Variants in SDCCAG8 observed in about 807,000 individuals in gnomAD.
SDCCAG8 encodes the protein serologically defined colon cancer antigen 8.
A neutral mutation model predicts 101.8 loss-of-function variants in SDCCAG8; 74 were observed. The ratio of observed to expected loss-of-function variants is 0.73; its 90% CI spans 0.60 to 0.88. The LOEUF (loss-of-function observed/expected upper bound fraction) is 0.88, where lower values mean the gene tolerates loss of function less well. Among genes scored for constraint, SDCCAG8 ranks in the 40% least tolerant of loss-of-function variants. The probability of loss-of-function intolerance (pLI) is 0.00; values close to 1 mark genes in which losing one functional copy is unlikely to be tolerated. For synonymous variants in SDCCAG8, 281 were observed against 292.9 expected, an observed-to-expected ratio of 0.96 and a Z score of 0.41; for missense variants, 787 against 822.6, an observed-to-expected ratio of 0.96 and a Z score of 0.53.
intron 11 of SDCCAG8, among the ~76,000 whole-genome samples, chr1:243,341,811 T>C (rs546170183): frequency 1.1e-4 from 16 of 152,202 alleles, no homozygotes; most frequent in Non-Finnish European, 1.9e-4. Flanking sequence ...TTGTAAGAAA[T>C]ACTAGAAGTC....
chr1:243,261,183 TC>T (rs1483241810), intron 1 of SDCCAG8, among the ~76,000 whole-genome samples: 7 of 152,332 alleles, frequency 4.6e-5, no homozygotes, highest in African/African-American at 1.7e-4. Flanking sequence ...TCCTTTTTTT[TC>T]TTCTCTCTTT....
In SDCCAG8 at chr1:243,308,156, A is replaced by T. The variant is rs779445385; in HGVS notation, c.908A>T (p.Gln303Leu). 2 of 1,614,190 alleles carry T rather than the reference A, an allele frequency of 1.2e-6. No homozygotes were observed. The highest frequency in any genetic ancestry group is 3.3e-5 in the Admixed American group (2 of 60,026). The change falls in exon 8 of 18, where the codon CAG (glutamine) becomes CTG (leucine). Residue 303 changes from glutamine to leucine, a missense_variant. Physicochemically the swap from Gln to Leu is moderately radical, Grantham distance 113. Transcript: ENST00000366541. ...CAAACCCATACTAATGTTCATATGC[A>T]GACCATCGAAAGACTGGTTAAGTAA... is the stretch of plus-strand genomic sequence containing the variant. The part of the protein sequence containing the change: ...LSQTHTNVHM[Q>L]TIERLVKERD...
At chr1:243,275,250 A>G (rs999871465) in intron 4 of SDCCAG8, among the ~76,000 whole-genome samples, 1 of 151,844 alleles carries the variant, frequency 6.6e-6, no homozygotes, top group Admixed American at 6.6e-5. Flanking sequence ...TTCCCGAAGT[A>G]TGTCGTGTTT....
intron 9 of SDCCAG8, among the ~76,000 whole-genome samples, chr1:243,325,827 T>A (rs2074107446): frequency 6.6e-6 from 1 of 152,208 alleles, no homozygotes; most frequent in African/African-American, 2.4e-5. Context: ...ACCTAGTAGG[T>A]GCTCAATAAA....
intron 8 of SDCCAG8, among the ~76,000 whole-genome samples, chr1:243,310,444 AATTTGCCTGTTTAT>A (rs1270772422): frequency 6.6e-6 from 1 of 152,136 alleles, no homozygotes; most frequent in Non-Finnish European, 1.5e-5. Flanking sequence ...AGAAGTTAAA[AATTTGCCTGTTTAT>A]ATTTGAAAAA....
intron 16 of SDCCAG8, among the ~76,000 whole-genome samples, chr1:243,448,197 A>G (rs1375254835): frequency 6.6e-6 from 1 of 152,230 alleles, no homozygotes; most frequent in East Asian, 1.9e-4. Context: ...GGACCTTGTC[A>G]AGGCATAGAT....
intron 6 of SDCCAG8, 63 bp downstream of exon 6, chr1:243,293,282 T>G: frequency 6.6e-7 from 1 of 1,525,190 alleles, no homozygotes; most frequent in Non-Finnish European, 8.9e-7. Flanking sequence ...TGTACTTTTT[T>G]AAAATTCTGG....
At chr1:243,465,526 T>C (rs1659952495) in intron 16 of SDCCAG8, among the ~76,000 whole-genome samples, 2 of 152,238 alleles carry the variant, frequency 1.3e-5, no homozygotes, top group African/African-American at 4.8e-5. Flanking sequence ...ACTCATTCAG[T>C]TATCCCATGC....
intron 11 of SDCCAG8, among the ~76,000 whole-genome samples, chr1:243,342,269 G>A (rs1341449927): frequency 6.6e-6 from 1 of 152,180 alleles, no homozygotes; most frequent in Non-Finnish European, 1.5e-5. Flanking sequence ...AATCAGTACA[G>A]CAGAGAGAGA....
At chr1:243,489,774 G>T (rs1427932412) in intron 17 of SDCCAG8, among the ~76,000 whole-genome samples, 1 of 152,172 alleles carries the variant, frequency 6.6e-6, no homozygotes, top group East Asian at 1.9e-4. Context: ...TGGCAAGTAG[G>T]GACACCGCAA....
chr1:243,316,724 C>A, intron 8 of SDCCAG8, 31 bp from the exon 9 acceptor site: 1 of 1,613,818 alleles, frequency 6.2e-7, no homozygotes. Context: ...TTGATCATTT[C>A]TTGTTTTGAA....
intron 13 of SDCCAG8, among the ~76,000 whole-genome samples, chr1:243,403,342 C>T (rs1273406020): frequency 6.6e-6 from 1 of 152,088 alleles, no homozygotes; most frequent in Non-Finnish European, 1.5e-5. Context: ...ATTCTTTCCT[C>T]AAGGCTGTCT....
At chr1:243,389,237 A>C (rs974228862) in intron 13 of SDCCAG8, among the ~76,000 whole-genome samples, 1 of 150,464 alleles carries the variant, frequency 6.6e-6, no homozygotes, top group African/African-American at 2.4e-5. Context: ...GAGGGGAGTG[A>C]AGTGCACATT....
intron 15 of SDCCAG8, among the ~76,000 whole-genome samples, chr1:243,419,952 A>T (rs550165821): frequency 6.6e-6 from 1 of 152,270 alleles, no homozygotes; most frequent in East Asian, 1.9e-4. Context: ...CCTGCTTCTC[A>T]TTCCTCCAGC....
chr1:243,415,717 C>T lies in SDCCAG8; in HGVS notation c.1632C>T (p.Ser544=). The T allele has an allele frequency of 6.2e-7, 1 of 1,613,760 alleles. No homozygotes were observed. ...TGTTTTGCAGACAGGAAAAAGATAGCATTCAGCAGAGCTTTAGCAAGGAAG... is the reference window on the plus strand; with the variant it reads ...TGTTTTGCAGACAGGAAAAAGATAGTATTCAGCAGAGCTTTAGCAAGGAAG... ...QLHLTRQEKD[S]IQQSFSKEAK... is the part of the protein sequence containing the mutation. The change falls in exon 14 of 18, where the codon AGC becomes AGT. Residue 544 remains serine (S), a synonymous_variant. Coordinates refer to ENST00000366541, the MANE Select transcript of SDCCAG8 (RefSeq NM_006642.5).
chr1:243,345,348 A>G (rs2075640332), intron 12 of SDCCAG8, among the ~76,000 whole-genome samples: 1 of 152,188 alleles, frequency 6.6e-6, no homozygotes, highest in African/African-American at 2.4e-5. Flanking sequence ...AATCCTGGCA[A>G]CCAAAGTAAA....
At chr1:243,429,157 G>A (rs778520383) in intron 16 of SDCCAG8, among the ~76,000 whole-genome samples, 4 of 152,100 alleles carry the variant, frequency 2.6e-5, no homozygotes, top group African/African-American at 7.2e-5. Flanking sequence ...AGCTGCAGCC[G>A]CCTGTCATTT....
intron 16 of SDCCAG8, among the ~76,000 whole-genome samples, chr1:243,443,036 T>C (rs2082649196): frequency 6.6e-6 from 1 of 152,244 alleles, no homozygotes; most frequent in African/African-American, 2.4e-5. Context: ...GACACTTATT[T>C]TGATGCAAAG....
intron 16 of SDCCAG8, among the ~76,000 whole-genome samples, chr1:243,451,663 G>A (rs145765776): frequency 7.9e-5 from 12 of 152,240 alleles, no homozygotes; most frequent in African/African-American, 2.9e-4. Context: ...GATGGCTCAT[G>A]CCTGTAATCC....
Sources: gnomAD v4.1 joint callset for allele counts (sites outside exome capture counted in the v4.1 genomes callset) on GRCh38, gnomAD v4.1.1 for gene constraint, MANE v1.5 for transcripts, NCBI Gene and HGNC (gene_info 2026-07-23, HGNC 2026-07-21) for gene names.